NLGN1: variants seen among roughly 807,000 people sequenced by gnomAD.
NLGN1 encodes the protein neuroligin-1.
A neutral mutation model predicts 65.5 loss-of-function variants in NLGN1; 12 were observed. The ratio of observed to expected loss-of-function variants is 0.18; its 90% CI spans 0.12 to 0.30. NLGN1 has a LOEUF of 0.30. Among genes scored for constraint, NLGN1 ranks in the 10% least tolerant of loss-of-function variants. NLGN1 has a pLI of 1.00. For missense variants in NLGN1, 750 were observed against 1,007.1 expected, an observed-to-expected ratio of 0.74 and a Z score of 3.46; for synonymous variants, 350 against 359.5, an observed-to-expected ratio of 0.97 and a Z score of 0.30.
At chr3:173,539,671 A>T (rs532610390) in intron 2 of NLGN1, among the ~76,000 whole-genome samples, 17 of 140,364 alleles carry the variant, frequency 1.2e-4, no homozygotes, top group Non-Finnish European at 2.1e-4. Flanking sequence ...ATATATGCAC[A>T]TATATAACAT....
intron 4 of NLGN1, among the ~76,000 whole-genome samples, chr3:174,024,077 CAG>C (rs1728327315): frequency 7.0e-6 from 1 of 143,458 alleles, no homozygotes; most frequent in Admixed American, 7.3e-5. Flanking sequence ...AGAATCCAAA[CAG>C]AGTAACAGGG....
At chr3:174,272,050 C>T (rs1304326812) in intron 4 of NLGN1, among the ~76,000 whole-genome samples, 1 of 151,382 alleles carries the variant, frequency 6.6e-6, no homozygotes, top group South Asian at 2.1e-4. Flanking sequence ...CAATGTGTTA[C>T]AATAATAATT....
intron 2 of NLGN1, among the ~76,000 whole-genome samples, chr3:173,450,160 A>G (rs113751606): frequency 0.031 from 4,676 of 152,158 alleles, 241 homozygotes; most frequent in African/African-American, 0.11. Flanking sequence ...TCTAGTCCTG[A>G]TGGTCTTTAC....
At chr3:173,716,509 A>G (rs1446483803) in intron 3 of NLGN1, among the ~76,000 whole-genome samples, 1 of 152,136 alleles carries the variant, frequency 6.6e-6, no homozygotes, top group East Asian at 1.9e-4. Context: ...CTTCACCTCA[A>G]AAAGACCTTC....
chr3:174,125,136 G>GCCATTCTAAGAGCAATGAAAAT (rs1199759086), intron 4 of NLGN1, among the ~76,000 whole-genome samples: 1 of 152,078 alleles, frequency 6.6e-6, no homozygotes, highest in Non-Finnish European at 1.5e-5. Flanking sequence ...GCAATGAAAA[G>GCCATTCTAAGAGCAATGAAAAT]CCATTCTAAG....
chr3:173,412,288 C>T (rs1241099030), intron 1 of NLGN1, among the ~76,000 whole-genome samples: 25 of 148,430 alleles, frequency 1.7e-4, no homozygotes, highest in Admixed American at 1.7e-3. Flanking sequence ...CATGCCAGTG[C>T]TCAATGCATT....
chr3:173,759,058 C>T (rs1777565762), intron 3 of NLGN1, among the ~76,000 whole-genome samples: 2 of 151,804 alleles, frequency 1.3e-5, no homozygotes, highest in Admixed American at 1.3e-4. Flanking sequence ...CTTCTACATC[C>T]CACATTTTCT....
chr3:174,075,773 T>G (rs1453375747), intron 4 of NLGN1, among the ~76,000 whole-genome samples: 1 of 152,248 alleles, frequency 6.6e-6, no homozygotes, highest in African/African-American at 2.4e-5. Flanking sequence ...AAGTGGATTA[T>G]TGATTCTTGA....
chr3:173,735,303 T>A (rs918927114), intron 3 of NLGN1, among the ~76,000 whole-genome samples: 3 of 152,132 alleles, frequency 2.0e-5, no homozygotes, highest in African/African-American at 7.2e-5. Flanking sequence ...TGGGAGTTTA[T>A]TTTCATTCCT....
chr3:173,701,059 A>G lies in NLGN1; in HGVS notation c.493+95968A>G, dbSNP rs111876735. 5.7e-3 allele frequency among the ~76,000 whole-genome samples: 870 copies of G among 152,226 alleles called. 7 individuals are homozygous for G. Among genetic ancestry groups the G allele is most frequent in the African/African-American group, 0.019 (805 of 41,532 alleles). On this transcript the variant is annotated intron_variant, in intron 3 of 6. Coordinates refer to ENST00000457714, the Ensembl canonical transcript of NLGN1. ...AGAATGGCGTGAACCCAGGAGGTGG[A>G]GCTTGCAGTAAGCTGAGATCTCGCC...
chr3:173,419,020 C>CTTTTTTTTTTTTTTTTTTT (rs59051811), intron 1 of NLGN1, among the ~76,000 whole-genome samples: 8 of 12,262 alleles, frequency 6.5e-4, no homozygotes, highest in African/African-American at 1.4e-3. Context: ...TCTTCTTCTT[C>CTTTTTTTTTTTTTTTTTTT]TTTTTTTTTT....
chr3:173,804,464 T>C (rs1398651906), intron 3 of NLGN1, among the ~76,000 whole-genome samples: 2 of 152,052 alleles, frequency 1.3e-5, no homozygotes, highest in Non-Finnish European at 2.9e-5. Flanking sequence ...TAATTATAAA[T>C]TAATAAGCTG....
At chr3:173,702,521 TTTCCTC>T (rs1238051713) in intron 3 of NLGN1, among the ~76,000 whole-genome samples, 1 of 152,234 alleles carries the variant, frequency 6.6e-6, no homozygotes, top group African/African-American at 2.4e-5. Flanking sequence ...TGCAAGGACT[TTTCCTC>T]TTAATCTGTA....
rs1338056807 is a variant in NLGN1, at chr3:174,280,793, G to A, written c.1962G>A (p.Lys654=). Residue 654 remains lysine, a synonymous_variant, in exon 7 of 7, where the codon AAG becomes AAA. Coordinates refer to ENST00000457714, the Ensembl canonical transcript of NLGN1. The surrounding 1 kb of genome is among the most constrained non-coding windows in gnomAD (Gnocchi z 4.9). ...TCACGTCAGCCTTTCCCACTGCCAA[G>A]CAGGATGATCCCAAACAACAACCAA... 4 of 1,613,324 alleles carry A rather than the reference G, an allele frequency of 2.5e-6. No homozygotes were observed. Among genetic ancestry groups the A allele is most frequent in the Non-Finnish European group, 3.4e-6 (4 of 1,179,548 alleles).
intron 3 of NLGN1, among the ~76,000 whole-genome samples, chr3:173,656,468 A>G (rs1206185697): frequency 6.6e-6 from 1 of 152,118 alleles, no homozygotes; most frequent in Non-Finnish European, 1.5e-5. Flanking sequence ...TTTTGATGAA[A>G]GTCATAGGTG....
At chr3:173,716,855 G>A (rs1241902739) in intron 3 of NLGN1, among the ~76,000 whole-genome samples, 3 of 151,978 alleles carry the variant, frequency 2.0e-5, no homozygotes, top group Admixed American at 2.0e-4. Flanking sequence ...CGTGTATCTT[G>A]ATGAAGATAT....
chr3:174,058,716 G>C lies in NLGN1; in HGVS notation c.647-216599G>C, dbSNP rs138890658. ...ACCTACCTCTGCCTGAACCTGTATG[G>C]GTAGTTTAGTGGTAGACATGTACCT... On this transcript the variant is annotated intron_variant, in intron 4 of 6. Coordinates refer to ENST00000457714, the Ensembl canonical transcript of NLGN1. Among the ~76,000 whole-genome samples, 945 of 151,786 alleles carry C rather than the reference G, an allele frequency of 6.2e-3. 23 individuals are homozygous for C. Among genetic ancestry groups the C allele is most frequent in the East Asian group, 0.037 (192 of 5,140 alleles).
At chr3:174,281,390 C>A in exon 7 of NLGN1, 1 of 811,788 alleles carries the variant, frequency 1.2e-6, no homozygotes, top group Non-Finnish European at 2.0e-6. Context: ...ACAAGACTTA[C>A]TATTTAAATA....
chr3:174,197,917 C>T (rs188092828), intron 4 of NLGN1, among the ~76,000 whole-genome samples: 10 of 151,912 alleles, frequency 6.6e-5, no homozygotes, highest in South Asian at 4.2e-4. Flanking sequence ...ATCCCAAGAA[C>T]GATCTAGTAT....
Sources: gnomAD v4.1 joint callset for allele counts (sites outside exome capture counted in the v4.1 genomes callset) on GRCh38, gnomAD v4.1.1 for gene constraint, Gnocchi (gnomAD v3.1) non-coding constraint, MANE v1.5 for transcripts, NCBI Gene and HGNC (gene_info 2026-07-23, HGNC 2026-07-21) for gene names.